CX3CL1: variants seen among roughly 807,000 people sequenced by gnomAD.
CX3CL1 encodes the protein fractalkine.
Under a neutral mutation model 14.1 loss-of-function variants are expected in CX3CL1, and 1 was observed. That is an observed-to-expected ratio of 0.07 (90% confidence interval 0.03 to 0.34). CX3CL1 has a LOEUF of 0.34. CX3CL1 is among the 10% of genes least tolerant of loss of function. CX3CL1 has a pLI of 0.99. For synonymous variants in CX3CL1, 255 were observed against 229.6 expected, an observed-to-expected ratio of 1.11 and a Z score of -1.00; for missense variants, 505 against 536.4, an observed-to-expected ratio of 0.94 and a Z score of 0.58.
intron 1 of CX3CL1, among the ~76,000 whole-genome samples, chr16:57,373,639 G>A (rs766952126): frequency 1.3e-5 from 2 of 152,222 alleles, no homozygotes; most frequent in Non-Finnish European, 2.9e-5. Flanking sequence ...GGGAGCAGGT[G>A]TGTGGGTGGG....
At chr16:57,378,239 G>A (rs1259410836) in intron 1 of CX3CL1, 1 of 152,168 alleles carries the variant, frequency 6.6e-6, no homozygotes, top group Non-Finnish European at 1.5e-5. Flanking sequence ...TTAGAAAGCA[G>A]TTGTACTTAT....
chr16:57,375,565 T>G (rs1902235463), intron 1 of CX3CL1, among the ~76,000 whole-genome samples: 1 of 152,246 alleles, frequency 6.6e-6, no homozygotes, highest in Non-Finnish European at 1.5e-5. Context: ...TAAAAAATTC[T>G]TATTCTCACA....
chr16:57,381,556 C>T (rs1289377712), intron 2 of CX3CL1, among the ~76,000 whole-genome samples: 6 of 152,064 alleles, frequency 3.9e-5, no homozygotes, highest in African/African-American at 1.4e-4. Flanking sequence ...TCCCCCCCAG[C>T]AGAAGACTCA....
chr16:57,375,263 C>T (rs991290488), intron 1 of CX3CL1, among the ~76,000 whole-genome samples: 1 of 151,934 alleles, frequency 6.6e-6, no homozygotes, highest in Non-Finnish European at 1.5e-5. Flanking sequence ...CAGTTTGGAG[C>T]GGGGTGAGGG....
Position 57,376,484 on chromosome 16 carries a change from A to G in CX3CL1, c.71-3150A>G, listed in dbSNP as rs202239233. Among the ~76,000 whole-genome samples, 3 of 150,948 alleles carry G rather than the reference A, an allele frequency of 2.0e-5. No individual in the cohort carries two copies. The East Asian group carries it at 6.0e-4, about 30-fold the overall frequency. On this transcript the variant is annotated intron_variant, in intron 1 of 2. Coordinates refer to ENST00000006053, the MANE Select transcript of CX3CL1 (RefSeq NM_002996.6). ...GATGGATGGATGGATGGATGGATGG[A>G]TGGATGGGTGGATAGATGGATGAAT...
chr16:57,382,783 C>A lies in CX3CL1; in HGVS notation c.945C>A (p.Ile315=). The A allele has an allele frequency of 6.2e-7, 1 of 1,608,464 alleles. No homozygotes were observed. Among genetic ancestry groups the A allele is most frequent in the Non-Finnish European group, 8.5e-7 (1 of 1,177,880 alleles). ...GGACCCCTAAGGCTGAGGAACCCAT[C>A]CATGCCACCATGGACCCCCAGAGGC... ...GSWTPKAEEP[I]HATMDPQRLG... The change falls in exon 3 of 3, where the codon ATC becomes ATA. Residue 315 remains isoleucine, a synonymous_variant. Transcript: ENST00000006053. The surrounding 1 kb of genome is among the most constrained non-coding windows in gnomAD (Gnocchi z 6.9).
chr16:57,381,185 G>C (rs762172355), intron 2 of CX3CL1, among the ~76,000 whole-genome samples: 9 of 152,150 alleles, frequency 5.9e-5, no homozygotes, highest in Non-Finnish European at 1.2e-4. Context: ...TGTAAAATGG[G>C]GATGAGCCTG....
chr16:57,373,043 C>T (rs567384959), intron 1 of CX3CL1, among the ~76,000 whole-genome samples: 38 of 152,230 alleles, frequency 2.5e-4, no homozygotes, highest in African/African-American at 8.7e-4. Context: ...ATGTGTAACC[C>T]GCAGCCCTGG....
In CX3CL1 at chr16:57,372,772, G is replaced by T. The variant is rs573899501; in HGVS notation, c.70+134G>T. 1.9e-4 allele frequency: 152 copies of T among 809,414 alleles called. 5 individuals are homozygous for T. The South Asian group carries it at 2.4e-3, about 13-fold the overall frequency. The allele number at this position is 809,414 out of a possible 1,614,324, so 50.1% of individuals were successfully genotyped here. On this transcript the variant is annotated intron_variant, in intron 1 of 2. Coordinates refer to ENST00000006053, the MANE Select transcript of CX3CL1 (RefSeq NM_002996.6). ...GGCCGGTGGCAGCCGCTTCCCCAGG[G>T]ATGTGCGAGAGGGGGCTGGGCACCT... is the stretch of plus-strand genomic sequence containing the variant.
rs1944786340 is a variant in CX3CL1, at chr16:57,382,691, C to T, written c.853C>T (p.His285Tyr). The T allele has an allele frequency of 6.2e-7, 1 of 1,612,634 alleles. No individual in the cohort carries two copies. The highest frequency in any genetic ancestry group is 8.5e-7 in the Non-Finnish European group (1 of 1,179,140). Residue 285 changes from histidine (H) to tyrosine (Y), a missense_variant, in exon 3 of 3, where the codon CAC becomes TAC. Coordinates refer to ENST00000006053, the MANE Select transcript of CX3CL1 (RefSeq NM_002996.6). This position sits in a 1 kb window ranked among gnomAD's most constrained non-coding sequence, Gnocchi z 6.9. ...GGACTGGGGGCCTGGCAGCATGGCC[C>T]ACGTCTCTGTGGTCCCTGTCTCCTC... Reference protein sequence around the residue: ...FQDWGPGSMAHVSVVPVSSEG... With the variant: ...FQDWGPGSMAYVSVVPVSSEG...
chr16:57,379,391 C>A, intron 1 of CX3CL1: 1 of 498,824 alleles, frequency 2.0e-6, no homozygotes, highest in Non-Finnish European at 3.5e-6. Context: ...TAAGAATTCA[C>A]GTTTCTTATT....
chr16:57,374,198 G>A (rs994359122), intron 1 of CX3CL1, among the ~76,000 whole-genome samples: 9 of 152,174 alleles, frequency 5.9e-5, no homozygotes, highest in South Asian at 2.1e-4. Context: ...AGAGGCCCTC[G>A]GGAGCCCCTG....
chr16:57,380,285 C>T (rs757587032), intron 2 of CX3CL1, among the ~76,000 whole-genome samples: 6 of 152,132 alleles, frequency 3.9e-5, no homozygotes, highest in African/African-American at 7.2e-5. Context: ...GGCAAGGGCG[C>T]GGTGGCTAAT....
chr16:57,374,712 G>T (rs937113018), intron 1 of CX3CL1, among the ~76,000 whole-genome samples: 2 of 152,302 alleles, frequency 1.3e-5, no homozygotes, highest in East Asian at 3.9e-4. Flanking sequence ...TACTGGGGCG[G>T]CATCAATAAA....
At position 57,382,768 on chromosome 16, in the gene CX3CL1, G is replaced by A; in HGVS notation, c.930G>A (p.Lys310=). 6.2e-7 allele frequency: 1 copy of A among 1,611,114 alleles called. No individual in the cohort carries two copies. The highest frequency in any genetic ancestry group is 8.5e-7 in the Non-Finnish European group (1 of 1,179,448). The part of the protein sequence containing the change: ...EPVASGSWTP[K]AEEPIHATMD... ...TGGCTTCAGGCAGCTGGACCCCTAAGGCTGAGGAACCCATCCATGCCACCA... is the reference window on the plus strand; with the variant it reads ...TGGCTTCAGGCAGCTGGACCCCTAAAGCTGAGGAACCCATCCATGCCACCA... Residue 310 remains lysine, a synonymous_variant, in exon 3 of 3, where the codon AAG becomes AAA. Transcript: ENST00000006053. This position sits in a 1 kb window ranked among gnomAD's most constrained non-coding sequence, Gnocchi z 6.9.
rs1230909157 is a variant in CX3CL1, at chr16:57,384,005, GGCTTAGTCACTGAGACA to G, written c.*976_*992del. 3 of 152,362 alleles carry G rather than the reference GGCTTAGTCACTGAGACA, an allele frequency of 2.0e-5. No individual in the cohort carries two copies. Among genetic ancestry groups the G allele is most frequent in the Non-Finnish European group, 2.9e-5 (2 of 68,148 alleles). The allele number at this position is 152,362 out of a possible 1,614,324, so 9.4% of individuals were successfully genotyped here. On this transcript the variant is annotated 3_prime_UTR_variant, in exon 3 of 3. Coordinates refer to ENST00000006053, the MANE Select transcript of CX3CL1 (RefSeq NM_002996.6). ...AGACCATCCCTGAAGGCCCCGCCCA[GGCTTAGTCACTGAGACA>G]GCCCGGGCTCTGCCTCCCATCACCC...
chr16:57,382,097 C>G lies in CX3CL1; in HGVS notation c.259C>G (p.Gln87Glu). The G allele has an allele frequency of 6.2e-7, 1 of 1,613,736 alleles. No individual in the cohort carries two copies. The highest frequency in any genetic ancestry group is 1.3e-5 in the African/African-American group (1 of 75,052). Residue 87 changes from glutamine to glutamate, a missense_variant, in exon 3 of 3, where the codon CAG becomes GAG. Transcript: ENST00000006053. The surrounding 1 kb of genome is among the most constrained non-coding windows in gnomAD (Gnocchi z 6.9). Reference protein sequence around the residue: ...PKEQWVKDAMQHLDRQAAALT... With the variant: ...PKEQWVKDAMEHLDRQAAALT... ...GGAGCAATGGGTCAAGGACGCGATG[C>G]AGCATCTGGACCGCCAGGCTGCTGC...
chr16:57,382,531 G>T lies in CX3CL1; in HGVS notation c.693G>T (p.Ala231=), dbSNP rs756960702. ...ACCCCTCCACCCAGGCCTCCACTGC[G>T]TCCTCCCCAGCCCCAGAGGAGAATG... ...TQDPSTQAST[A]SSPAPEENAP... The change falls in exon 3 of 3, where the codon GCG becomes GCT. Residue 231 remains alanine (A), a synonymous_variant. Transcript: ENST00000006053. The surrounding 1 kb of genome is among the most constrained non-coding windows in gnomAD (Gnocchi z 6.9). 4 of 1,613,802 alleles carry T rather than the reference G, an allele frequency of 2.5e-6. No homozygotes were observed. The highest frequency in any genetic ancestry group is 1.7e-4 in the Middle Eastern group (1 of 6,060).
In CX3CL1 at chr16:57,383,117, G is replaced by A; in HGVS notation, c.*85G>A. 2 of 1,245,750 alleles carry A rather than the reference G, an allele frequency of 1.6e-6. No homozygotes were observed. The highest frequency in any genetic ancestry group is 1.0e-6 in the Non-Finnish European group (1 of 956,952). 77.2% of individuals were successfully genotyped at this position (1,245,750 alleles called of 1,614,324 possible). On this transcript the variant is annotated 3_prime_UTR_variant, in exon 3 of 3. Coordinates refer to ENST00000006053, the MANE Select transcript of CX3CL1 (RefSeq NM_002996.6). ...CATACCCACCCCCACCCAAGGGCCT[G>A]GCCTGAGCTGGGATGATTGGAGGGG...
Sources: gnomAD v4.1 joint callset for allele counts (sites outside exome capture counted in the v4.1 genomes callset) on GRCh38, gnomAD v4.1.1 for gene constraint, Gnocchi (gnomAD v3.1) non-coding constraint, MANE v1.5 for transcripts, NCBI Gene and HGNC (gene_info 2026-07-23, HGNC 2026-07-21) for gene names.